The following POLE2 variants were observed in gnomAD, a reference collection of about 807,000 sequenced individuals.
The protein encoded by POLE2 is DNA polymerase epsilon 2, accessory subunit.
Under a neutral mutation model 79.4 loss-of-function variants are expected in POLE2, and 56 were observed. That is an observed-to-expected ratio of 0.71 (90% CI 0.57 to 0.88). The LOEUF is 0.88. POLE2 is among the 40% of genes least tolerant of loss of function. POLE2 has a pLI of 0.00. For synonymous variants in POLE2, 212 were observed against 214.0 expected, an observed-to-expected ratio of 0.99 and a Z score of 0.08; for missense variants, 598 against 638.9, an observed-to-expected ratio of 0.94 and a Z score of 0.69.
chr14:49,664,810 A>C (rs1233396024), intron 8 of POLE2, 136 bp from the exon 9 acceptor site: 2 of 637,824 alleles, frequency 3.1e-6, no homozygotes, highest in East Asian at 5.6e-5. Context: ...CACAGCTTAG[A>C]AAGAGCTTAA....
chr14:49,672,752 G>C (rs1451210165), intron 5 of POLE2, among the ~76,000 whole-genome samples: 1 of 152,092 alleles, frequency 6.6e-6, no homozygotes, highest in Non-Finnish European at 1.5e-5. Flanking sequence ...ACCCACCTCG[G>C]CCTCCCAAAG....
At chr14:49,650,070 C>T (rs1480281643) in intron 17 of POLE2, 195 bp downstream of exon 17, 3 of 332,956 alleles carry the variant, frequency 9.0e-6, no homozygotes, top group Non-Finnish European at 1.6e-5. Flanking sequence ...AGTCATGTTA[C>T]TTTATAGTCA....
intron 18 of POLE2, among the ~76,000 whole-genome samples, chr14:49,646,220 C>T (rs2139598961): frequency 6.7e-6 from 1 of 148,658 alleles, no homozygotes; most frequent in South Asian, 2.1e-4. Flanking sequence ...AAGAAAAAGA[C>T]AACTGGGCTG....
At chr14:49,683,895 C>G (rs1224978494) in intron 1 of POLE2, among the ~76,000 whole-genome samples, 1 of 152,228 alleles carries the variant, frequency 6.6e-6, no homozygotes, top group Non-Finnish European at 1.5e-5. Flanking sequence ...CCTCAAATCA[C>G]ATCCTTCCTC....
chr14:49,679,851 T>G, intron 2 of POLE2, 51 bp from the exon 3 acceptor site: 1 of 989,660 alleles, frequency 1.0e-6, no homozygotes. Context: ...AAAAAATAGT[T>G]CTTTCCACAG....
rs184069991 is a variant in POLE2 at position 49,656,575 on chromosome 14, T to C, written c.756-732A>G. Among the ~76,000 whole-genome samples, 501 of 152,060 alleles carry C rather than the reference T, an allele frequency of 3.3e-3. 2 individuals are homozygous for C. The highest frequency in any genetic ancestry group is 4.0e-3 in the Non-Finnish European group (272 of 67,992). On this transcript the variant is annotated intron_variant, in intron 10 of 18. Transcript: ENST00000216367. ...CCTATATCCAAGAACTGTGAAAAAA[T>C]TATTCAACGGTTCCTTCAAAGCTTG...
At chr14:49,678,189 C>T (rs1401679186) in intron 3 of POLE2, among the ~76,000 whole-genome samples, 7 of 151,674 alleles carry the variant, frequency 4.6e-5, no homozygotes, top group South Asian at 2.1e-4. Flanking sequence ...TTAGTAGAGA[C>T]GGGGTTTTGC....
At chr14:49,650,241 A>G in intron 17 of POLE2, 24 bp downstream of exon 17, 2 of 1,309,748 alleles carry the variant, frequency 1.5e-6, no homozygotes, top group Non-Finnish European at 2.1e-6. Context: ...AATAATGACT[A>G]TATAAGATTA....
chr14:49,654,154 C>CCTTGG lies in POLE2; in HGVS notation c.1129_1133dup (p.Arg378SerfsTer44). On this transcript the variant is annotated frameshift_variant and splice_region_variant. Coordinates refer to ENST00000216367, the MANE Select transcript of POLE2 (RefSeq NM_002692.4). LOFTEE classifies it high-confidence loss of function. Reference sequence around the variant, plus strand: ...GTTGCAAAAATCTGAACAAAACTTACCTTGGTAAGATGGAACCAAATCCAG... The same window carrying CCTTGG: ...GTTGCAAAAATCTGAACAAAACTTACCTTGGCTTGGTAAGATGGAACCAAATCCAG... 6.2e-7 allele frequency: 1 copy of CCTTGG among 1,609,438 alleles called. No homozygotes were observed. Among genetic ancestry groups the CCTTGG allele is most frequent in the Non-Finnish European group, 8.5e-7 (1 of 1,176,768 alleles).
chr14:49,654,968 C>G (rs770416174), intron 12 of POLE2, 37 bp downstream of exon 12: 33 of 1,411,122 alleles, frequency 2.3e-5, no homozygotes, highest in Non-Finnish European at 3.1e-5. Flanking sequence ...GTTTATATGA[C>G]TATAGAAACA....
At position 49,678,063 on chromosome 14, in the gene POLE2, G is replaced by A. The variant is rs149551198; in HGVS notation, c.245+1662C>T. ...TGTCCAGGCTGGAGCAGAGTGGCAC[G>A]ATCTTGGCTCACTGCAACCTCCGCC... is the stretch of plus-strand genomic sequence containing the variant. On this transcript the variant is annotated intron_variant, in intron 3 of 18. Coordinates refer to ENST00000216367, the MANE Select transcript of POLE2 (RefSeq NM_002692.4). 7.0e-3 allele frequency among the ~76,000 whole-genome samples: 1,054 copies of A among 151,244 alleles called. 12 individuals are homozygous for A. Among genetic ancestry groups the A allele is most frequent in the African/African-American group, 0.022 (907 of 41,198 alleles).
intron 13 of POLE2, chr14:49,654,546 A>G: frequency 2.1e-6 from 1 of 467,698 alleles, no homozygotes; most frequent in Non-Finnish European, 3.7e-6. Flanking sequence ...CTAGACTCTT[A>G]AGAGTAATGC....
chr14:49,668,397 G>A (rs1885641214), intron 6 of POLE2, among the ~76,000 whole-genome samples: 1 of 151,264 alleles, frequency 6.6e-6, no homozygotes, highest in Non-Finnish European at 1.5e-5. Flanking sequence ...AGGATCACTT[G>A]AGGCCAGGAG....
At chr14:49,649,727 G>A (rs759716265) in intron 17 of POLE2, among the ~76,000 whole-genome samples, 1 of 152,204 alleles carries the variant, frequency 6.6e-6, no homozygotes, top group Non-Finnish European at 1.5e-5. Flanking sequence ...GGGATTACAG[G>A]TGTGAGCCAC....
chr14:49,644,761 T>C (rs1796603265), intron 18 of POLE2, among the ~76,000 whole-genome samples: 1 of 151,764 alleles, frequency 6.6e-6, no homozygotes, highest in Non-Finnish European at 1.5e-5. Flanking sequence ...GTAAAAAGGC[T>C]GGGCGCAGTG....
intron 1 of POLE2, among the ~76,000 whole-genome samples, chr14:49,687,620 C>T (rs967635446): frequency 2.0e-5 from 3 of 152,042 alleles, no homozygotes; most frequent in African/African-American, 7.2e-5. Flanking sequence ...AGAAGAGCCT[C>T]GGCCCGCCTA....
At chr14:49,659,749 TTTGTTG>T (rs1052833544) in intron 10 of POLE2, among the ~76,000 whole-genome samples, 1 of 151,702 alleles carries the variant, frequency 6.6e-6, no homozygotes, top group African/African-American at 2.4e-5. Flanking sequence ...CCCAGCTAAT[TTTGTTG>T]TTGTTGTTGT....
chr14:49,654,724 A>AT, intron 13 of POLE2, 60 bp downstream of exon 13: 3 of 1,462,694 alleles, frequency 2.1e-6, no homozygotes, highest in South Asian at 3.0e-5. Flanking sequence ...AACAAAATTC[A>AT]TTTTTTGTTT....
intron 2 of POLE2, among the ~76,000 whole-genome samples, chr14:49,682,856 A>C (rs1034344438): frequency 6.6e-6 from 1 of 151,978 alleles, no homozygotes; most frequent in African/African-American, 2.4e-5. Context: ...AGAAATCAAG[A>C]AGAGATGTCA....
Sources: allele counts gnomAD v4.1 joint callset (sites outside exome capture counted in the v4.1 genomes callset), GRCh38; gene constraint gnomAD v4.1.1; transcripts MANE v1.5; gene names NCBI Gene and HGNC (gene_info 2026-07-23, HGNC 2026-07-21).